Variants in KMT2D observed in about 807,000 individuals in gnomAD.
KMT2D encodes the protein lysine methyltransferase 2D.
A neutral mutation model predicts 512.7 loss-of-function variants in KMT2D; 55 were observed. That is an observed-to-expected ratio of 0.11 (90% CI 0.09 to 0.13). The LOEUF (loss-of-function observed/expected upper bound fraction) is 0.13, where lower values mean the gene tolerates loss of function less well. KMT2D is among the 10% of genes least tolerant of loss of function. The pLI is 1.00. For missense variants in KMT2D, 6,061 were observed against 7,127.9 expected (o/e 0.85, Z 5.39); for synonymous variants, 2,995 against 2,904.0 (o/e 1.03, Z -1.01).
chr12:49,045,303 G>A (rs1020484048), intron 19 of KMT2D, among the ~76,000 whole-genome samples: 6 of 152,188 alleles, frequency 3.9e-5, no homozygotes, highest in Admixed American at 3.9e-4. Context: ...CAGCAGCAGT[G>A]CCATATCACG....
intron 46 of KMT2D, 69 bp downstream of exon 46, chr12:49,028,759 T>A: frequency 6.3e-7 from 1 of 1,589,116 alleles, no homozygotes; most frequent in African/African-American, 1.3e-5. Context: ...TTTTTCCTTA[T>A]CCAGACAAAT....
chr12:49,027,695 T>C, intron 48 of KMT2D, 108 bp downstream of exon 48: 1 of 1,382,308 alleles, frequency 7.2e-7, no homozygotes, highest in South Asian at 1.3e-5. Flanking sequence ...CCTAAAGTGA[T>C]TCACTCGCCT....
intron 19 of KMT2D, 151 bp downstream of exon 19, chr12:49,045,769 C>G: frequency 2.8e-6 from 2 of 724,160 alleles, no homozygotes; most frequent in Non-Finnish European, 4.9e-6. Flanking sequence ...TTGCCACTAA[C>G]TTACTAGGTG....
chr12:49,040,810 C>T lies in KMT2D; in HGVS notation c.6960G>A (p.Glu2320=), dbSNP rs1943478552. The change falls in exon 32 of 55, where the codon GAG becomes GAA. Residue 2320 remains glutamate, a synonymous_variant. Transcript: ENST00000301067. ...PSSGTHLGGL[E]LKTPDVFKAP... is the part of the protein sequence containing the mutation. ...CTTTGAAGACATCAGGTGTCTTTAA[C>T]TCCAGGCCACCCAGGTGGGTGCCTG... is the stretch of plus-strand genomic sequence containing the variant. The T allele has an allele frequency of 1.9e-6, 3 of 1,613,756 alleles. No individual in the cohort carries two copies. The highest frequency in any genetic ancestry group is 1.3e-5 in the African/African-American group (1 of 75,014).
rs2120564287 is a variant in KMT2D, at chr12:49,043,153, A to T, written c.5567T>A (p.Val1856Glu). ...PEDGGVKASP[V>E]PSDPEKPGTP... The stretch of plus-strand genomic sequence containing the variant: ...GCCTGGCTTCTCAGGGTCACTGGGC[A>T]CTGGGGATGCCTTCACGCCCCCATC... The change falls in exon 26 of 55, where the codon GTG becomes GAG. Residue 1856 changes from valine (V) to glutamate (E), a missense_variant. Physicochemically the swap from Val to Glu is moderately radical, Grantham distance 121 (BLOSUM62 -2). Transcript: ENST00000301067. The T allele has an allele frequency of 6.2e-7, 1 of 1,613,958 alleles. No homozygotes were observed. Among genetic ancestry groups the T allele is most frequent in the Non-Finnish European group, 8.5e-7 (1 of 1,179,842 alleles).
rs1943437715 is a variant in KMT2D at position 49,040,173 on chromosome 12, G to A, written c.7597C>T (p.Pro2533Ser). The A allele has an allele frequency of 1.2e-6, 2 of 1,613,818 alleles. No homozygotes were observed. The highest frequency in any genetic ancestry group is 4.5e-5 in the East Asian group (2 of 44,880). The change falls in exon 32 of 55, where the codon CCC becomes TCC. Residue 2533 changes from proline (P) to serine (S), a missense_variant. Pro to Ser is a moderately conservative substitution (Grantham distance 74, BLOSUM62 -1). Around this residue, in one of 16 missense-constraint regions of KMT2D, gnomAD observed 710 missense variants for 647.3 expected, o/e 1.10. Transcript: ENST00000301067. ...GTGAFVGTPS[P>S]MRFTFPQAVG... Reference sequence around the variant, plus strand: ...GCCTGAGGGAAAGTGAAACGCATGGGAGAGGGGGTGCCCACAAATGCACCC... The same window carrying A: ...GCCTGAGGGAAAGTGAAACGCATGGAAGAGGGGGTGCCCACAAATGCACCC...
rs1345939590 is a variant in KMT2D, at chr12:49,051,260, G to C, written c.2423C>G (p.Pro808Arg). ...AGACAGGTGCGGCTCCTCAGTCTGG[G>C]GGGACAGGTGCAATTCCTCAGGCTG... The part of the protein sequence containing the change: ...SPQPEELHLS[P>R]QTEEPHLSPV... Residue 808 changes from proline to arginine, a missense_variant, in exon 11 of 55, where the codon CCC (proline) becomes CGC (arginine). Pro to Arg is a moderately radical substitution (Grantham distance 103, BLOSUM62 -2). Around this residue, in one of 16 missense-constraint regions of KMT2D, gnomAD observed 848 missense variants for 838.5 expected, o/e 1.01. Coordinates refer to ENST00000301067, the MANE Select transcript of KMT2D (RefSeq NM_003482.4). The C allele has an allele frequency of 2.6e-6, 4 of 1,543,922 alleles. No individual in the cohort carries two copies. Among genetic ancestry groups the C allele is most frequent in the East Asian group, 2.3e-5 (1 of 44,316 alleles).
intron 1 of KMT2D, among the ~76,000 whole-genome samples, chr12:49,059,271 A>G (rs958780682): frequency 2.6e-5 from 4 of 152,044 alleles, no homozygotes; most frequent in Non-Finnish European, 5.9e-5. Flanking sequence ...TGAGGGGAGA[A>G]GCAGCAGCCT....
At position 49,024,188 on chromosome 12, in the gene KMT2D, A is replaced by G. The variant is rs1017858679; in HGVS notation, c.16052+390T>C. On this transcript the variant is annotated intron_variant, in intron 51 of 54. Coordinates refer to ENST00000301067, the MANE Select transcript of KMT2D (RefSeq NM_003482.4). The surrounding 1 kb of genome is among the most constrained non-coding windows in gnomAD (Gnocchi z 4.5). ...CTCTAACTATTTATTTTTGACACCA[A>G]CACTCATGGGGAAGGGAAGGTGACC... The G allele has an allele frequency of 2.2e-6, 1 of 445,182 alleles. No homozygotes were observed. The highest frequency in any genetic ancestry group is 4.4e-6 in the Non-Finnish European group (1 of 228,646). 27.6% of individuals were successfully genotyped at this position (445,182 alleles called of 1,614,324 possible). A position where few individuals can be genotyped will look rare whatever the true frequency, so the allele number is the denominator to read the frequency against.
intron 51 of KMT2D, among the ~76,000 whole-genome samples, chr12:49,023,684 GAT>G (rs1942434874): frequency 6.6e-6 from 1 of 152,204 alleles, no homozygotes; most frequent in Non-Finnish European, 1.5e-5. Context: ...GGAAGGAAGA[GAT>G]ATGCATGGGA....
rs760737815 is a variant in KMT2D, at chr12:49,037,373, G to T, written c.9983C>A (p.Pro3328Gln). The change falls in exon 35 of 55, where the codon CCA becomes CAA. Residue 3328 changes from proline to glutamine, a missense_variant. Pro to Gln is a moderately conservative substitution (Grantham distance 76). Coordinates refer to ENST00000301067, the MANE Select transcript of KMT2D (RefSeq NM_003482.4). ...AGARQPGLPQPLMPTQPPAHA... is the reference protein window; with the variant it reads ...AGARQPGLPQQLMPTQPPAHA... ...AGCTGGTGGCTGGGTGGGCATCAGT[G>T]GCTGGGGCAAACCTGGCTGTCGGGC... The T allele has an allele frequency of 1.2e-6, 2 of 1,610,362 alleles. No individual in the cohort carries two copies. Among genetic ancestry groups the T allele is most frequent in the South Asian group, 2.2e-5 (2 of 90,294 alleles).
rs1942502860 is a variant in KMT2D at position 49,024,970 on chromosome 12, T to G, written c.15785-24A>C. Reference sequence around the variant, plus strand: ...GGCTAAGAAGCAGGGAAGAGAGCAGTCCTCAGAGGCAACTTCTGCTCACTG... The same window carrying G: ...GGCTAAGAAGCAGGGAAGAGAGCAGGCCTCAGAGGCAACTTCTGCTCACTG... On this transcript the variant is annotated intron_variant, in intron 49 of 54. Transcript: ENST00000301067. The surrounding 1 kb of genome is among the most constrained non-coding windows in gnomAD (Gnocchi z 4.5). 4.4e-6 allele frequency: 7 copies of G among 1,576,510 alleles called. No homozygotes were observed. Among genetic ancestry groups the G allele is most frequent in the Non-Finnish European group, 6.0e-6 (7 of 1,160,848 alleles).
chr12:49,041,279 G>T lies in KMT2D; in HGVS notation c.6491C>A (p.Pro2164Gln), dbSNP rs2120544387. ...DSPGELFLKL[P>Q]PQVPAQVPSQ... ...AGGCACTTGGGCGGGCACCTGGGGT[G>T]GGAGCTTGAGGAAGAGCTCACCAGG... Residue 2164 changes from proline (P) to glutamine (Q), a missense_variant, in exon 32 of 55, where the codon CCA becomes CAA. Pro to Gln is a moderately conservative substitution (Grantham distance 76). Transcript: ENST00000301067. The surrounding 1 kb of genome is among the most constrained non-coding windows in gnomAD (Gnocchi z 5.4). The T allele has an allele frequency of 6.6e-7, 1 of 1,520,574 alleles. No individual in the cohort carries two copies. 94.2% of individuals were successfully genotyped at this position (1,520,574 alleles called of 1,614,324 possible).
chr12:49,030,280 C>G lies in KMT2D; in HGVS notation c.13999G>C (p.Asp4667His), dbSNP rs2120402445. 6.3e-7 allele frequency: 1 copy of G among 1,598,218 alleles called. No homozygotes were observed. Among genetic ancestry groups the G allele is most frequent in the East Asian group, 2.3e-5 (1 of 44,296 alleles). ...SARDSERALR[D>H]TSEVKSLDLL... ...GGGGTGGCATCTGCTCTTGACTTAC[C>G]CCTCAGTGCCCTTTCACTATCCCGG... Residue 4667 changes from aspartate (D) to histidine (H), a missense_variant and splice_region_variant, in exon 43 of 55, where the codon GAT (aspartate) becomes CAT (histidine). Around this residue, in one of 16 missense-constraint regions of KMT2D, gnomAD observed 1,600 missense variants for 1,754.9 expected, o/e 0.91. Coordinates refer to ENST00000301067, the MANE Select transcript of KMT2D (RefSeq NM_003482.4).
intron 12 of KMT2D, 72 bp from the exon 13 acceptor site, chr12:49,049,290 A>G (rs1052586518): frequency 1.0e-6 from 1 of 957,752 alleles, no homozygotes; most frequent in African/African-American, 1.6e-5. Context: ...ACTTGAACAG[A>G]AGAAGTGACA....
rs765211131 is a variant in KMT2D at position 49,054,965 on chromosome 12, A to G, written c.111T>C (p.His37=). The G allele has an allele frequency of 1.2e-6, 2 of 1,613,876 alleles. No homozygotes were observed. Among genetic ancestry groups the G allele is most frequent in the South Asian group, 1.1e-5 (1 of 91,090 alleles). The change falls in exon 3 of 55, where the codon CAT becomes CAC. Residue 37 remains histidine (H), a synonymous_variant. Coordinates refer to ENST00000301067, the MANE Select transcript of KMT2D (RefSeq NM_003482.4). The surrounding 1 kb of genome is among the most constrained non-coding windows in gnomAD (Gnocchi z 6.4). ...AACTAAGGACAGAGACCTCTCCCACATGTGGGTTGGGCAGGTCTGACTCAG... is the reference window on the plus strand; with the variant it reads ...AACTAAGGACAGAGACCTCTCCCACGTGTGGGTTGGGCAGGTCTGACTCAG... The part of the protein sequence containing the change: ...SATESDLPNP[H]VGEVSVLSSG...
In KMT2D at chr12:49,021,944, T is replaced by C. The variant is rs575138177; in HGVS notation, c.16522-72A>G. 64 of 1,557,228 alleles carry C rather than the reference T, an allele frequency of 4.1e-5. No individual in the cohort carries two copies. In the African/African-American group the frequency reaches 8.1e-4, roughly 20 times the overall value. ...AGGGGAGGCCAGAGAAGATATGATC[T>C]GAGGTGCCCAGCCTAGGAATCCACA... is the stretch of plus-strand genomic sequence containing the variant. On this transcript the variant is annotated intron_variant, in intron 54 of 54. Transcript: ENST00000301067.
chr12:49,053,020 T>C lies in KMT2D; in HGVS notation c.1007A>G (p.Asn336Ser). The C allele has an allele frequency of 6.2e-7, 1 of 1,613,942 alleles. No individual in the cohort carries two copies. The highest frequency in any genetic ancestry group is 8.5e-7 in the Non-Finnish European group (1 of 1,179,878). ...AGAGTAGTTCTCAAACCACTCCGAG[T>C]TGGGATTCAGTTCTGCTGAGCCCGC... is the stretch of plus-strand genomic sequence containing the variant. ...CGAGSAELNPNSEWFENYSLC... is the reference protein window; with the variant it reads ...CGAGSAELNPSSEWFENYSLC... The change falls in exon 9 of 55, where the codon AAC (asparagine) becomes AGC (serine). Residue 336 changes from asparagine (N) to serine (S), a missense_variant. By Grantham distance (46) the Asn-to-Ser change is conservative (BLOSUM62 1). Coordinates refer to ENST00000301067, the MANE Select transcript of KMT2D (RefSeq NM_003482.4).
At position 49,050,725 on chromosome 12, in the gene KMT2D, C is replaced by T. The variant is rs1199394068; in HGVS notation, c.2863G>A (p.Gly955Arg). The T allele has an allele frequency of 8.1e-6, 13 of 1,613,174 alleles. No individual in the cohort carries two copies. The East Asian group carries it at 1.8e-4, about 22-fold the overall frequency. The change falls in exon 12 of 55, where the codon GGG becomes AGG. Residue 955 changes from glycine (G) to arginine (R), a missense_variant. Gly to Arg is a moderately radical substitution (Grantham distance 125). Around this residue, in one of 16 missense-constraint regions of KMT2D, gnomAD observed 848 missense variants for 838.5 expected, o/e 1.01. Transcript: ENST00000301067. ...GCACCAAAGGGGTACTCTAACTCCCCCAAAGGAGACAGGGCCGGTGGGGCC... is the reference window on the plus strand; with the variant it reads ...GCACCAAAGGGGTACTCTAACTCCCTCAAAGGAGACAGGGCCGGTGGGGCC... ...AAAPPALSPL[G>R]ELEYPFGAKG...
Sources: allele counts gnomAD v4.1 joint callset (sites outside exome capture counted in the v4.1 genomes callset), GRCh38; gene constraint gnomAD v4.1.1; regional missense constraint gnomAD v4.1.1; non-coding constraint Gnocchi (gnomAD v3.1); transcripts MANE v1.5; gene names NCBI Gene and HGNC (gene_info 2026-07-23, HGNC 2026-07-21).